Variants in WDR62 observed in about 807,000 individuals in gnomAD.
The protein encoded by WDR62 is WD repeat domain 62.
WDR62 carries 112 observed loss-of-function variants against 160.6 expected under a neutral mutation model. The observed-to-expected ratio is 0.70, with a 90% CI of 0.60 to 0.82. The LOEUF (loss-of-function observed/expected upper bound fraction) is 0.82. WDR62 is among the 40% of genes least tolerant of loss of function. The pLI is 0.00. For missense variants in WDR62, 1,819 were observed against 1,983.8 expected (o/e 0.92, Z 1.58); for synonymous variants, 792 against 815.1 (o/e 0.97, Z 0.48).
chr19:36,101,571 G>C, intron 24 of WDR62, 93 bp from the exon 25 acceptor site: 1 of 1,009,376 alleles, frequency 9.9e-7, no homozygotes, highest in Non-Finnish European at 1.5e-6. Context: ...CCCTCCTCCA[G>C]ATGGGGAAAC....
At chr19:36,102,190 G>A (rs1171754291) in intron 26 of WDR62, 39 bp downstream of exon 26, 1 of 1,613,634 alleles carries the variant, frequency 6.2e-7, no homozygotes, top group African/African-American at 1.3e-5. Flanking sequence ...GAGGCCGTCT[G>A]TGCAGCCTGG....
chr19:36,080,891 T>C (rs971403966), intron 9 of WDR62, among the ~76,000 whole-genome samples: 1 of 152,250 alleles, frequency 6.6e-6, no homozygotes, highest in Non-Finnish European at 1.5e-5. Flanking sequence ...TTCAAACATA[T>C]TGAATGTAGT....
At chr19:36,066,506 T>G in intron 5 of WDR62, 79 bp downstream of exon 5, 1 of 1,501,550 alleles carries the variant, frequency 6.7e-7, no homozygotes, top group South Asian at 1.2e-5. Flanking sequence ...GAGAGCTACA[T>G]GAGAGGACGC....
rs368050252 is a variant in WDR62, at chr19:36,102,721, C to T, written c.3221-16C>T. 1.6e-5 allele frequency: 25 copies of T among 1,612,340 alleles called. No individual in the cohort carries two copies. The highest frequency in any genetic ancestry group is 6.7e-5 in the Admixed American group (4 of 60,006). ...GCGGGAAGGGTTATGAGGGTCCCCT[C>T]GGGATCTTCCCCTAGAGCTCTTCCC... On this transcript the variant is annotated splice_polypyrimidine_tract_variant and intron_variant, in intron 26 of 31. Transcript: ENST00000401500.
intron 29 of WDR62, 59 bp downstream of exon 29, chr19:36,103,266 C>T (rs1304401309): frequency 5.6e-6 from 9 of 1,611,744 alleles, no homozygotes; most frequent in Non-Finnish European, 7.6e-6. Flanking sequence ...GCCGGATGTC[C>T]AGCCTAGCTG....
rs1033426072 is a variant in WDR62, at chr19:36,055,204, G to A, written c.177+56G>A. 11 of 1,549,194 alleles carry A rather than the reference G, an allele frequency of 7.1e-6. No individual in the cohort carries two copies. In the Admixed American group the frequency reaches 1.1e-4, roughly 16 times the overall value. On this transcript the variant is annotated intron_variant, in intron 1 of 31. Transcript: ENST00000401500. ...TTCCAGGCTTCCTAGGTTTCCCCTA[G>A]TCCCGTCCTGAGAACTGTGGCCCCG... is the stretch of plus-strand genomic sequence containing the variant.
intron 9 of WDR62, among the ~76,000 whole-genome samples, chr19:36,078,446 CGTA>C (rs1216789710): frequency 6.6e-6 from 1 of 151,928 alleles, no homozygotes; most frequent in African/African-American, 2.4e-5. Context: ...CTGTGCCTGA[CGTA>C]GTTCTTTCTT....
chr19:36,092,084 A>G (rs1018645073), intron 18 of WDR62, among the ~76,000 whole-genome samples: 2 of 151,594 alleles, frequency 1.3e-5, no homozygotes, highest in Non-Finnish European at 2.9e-5. Context: ...GCCTAGGTGG[A>G]TGGATCATCT....
chr19:36,084,789 G>A, intron 12 of WDR62, 45 bp downstream of exon 12: 1 of 1,576,530 alleles, frequency 6.3e-7, no homozygotes, highest in Non-Finnish European at 8.7e-7. Context: ...CAGGGAGGCA[G>A]CCCCCCTGGC....
chr19:36,094,366 C>G (rs1049349106), intron 20 of WDR62, among the ~76,000 whole-genome samples: 6 of 151,526 alleles, frequency 4.0e-5, no homozygotes, highest in Admixed American at 3.9e-4. Context: ...CCAGCCTGAC[C>G]AATATGGTGA....
At chr19:36,100,991 AG>A in intron 23 of WDR62, 116 bp downstream of exon 23, 1 of 1,530,604 alleles carries the variant, frequency 6.5e-7, no homozygotes, top group Non-Finnish European at 9.0e-7. Flanking sequence ...GGGACAGTTG[AG>A]GCCTGGATGG....
rs1287480501 is a variant in WDR62, at chr19:36,102,766, G to A, written c.3250G>A (p.Glu1084Lys). 1 of 1,614,238 alleles carries A rather than the reference G, an allele frequency of 6.2e-7. No individual in the cohort carries two copies. The highest frequency in any genetic ancestry group is 2.2e-5 in the East Asian group (1 of 44,874). ...CTTCCCCGCAGCTCTGGGAGACGTG[G>A]AGGCCTCTGAAGCTGAAGACCACTT... ...ELFPAALGDV[E>K]ASEAEDHFFN... The change falls in exon 27 of 32, where the codon GAG becomes AAG. Residue 1084 changes from glutamate to lysine, a missense_variant. Transcript: ENST00000401500.
At chr19:36,111,092 T>A in the WDR62 span, 18 of 1,010,646 alleles carry the variant, frequency 1.8e-5, no homozygotes, top group Non-Finnish European at 2.5e-5. Flanking sequence ...ATGAAGAGAA[T>A]GAGGTTCCTC....
rs1972801647 is a variant in WDR62 at position 36,094,065 on chromosome 19, C to T, written c.2368C>T (p.His790Tyr). ...DTYVSTPSEIHSLSPGEQTED... is the reference protein window; with the variant it reads ...DTYVSTPSEIYSLSPGEQTED... ...GTATGTGTCCACACCTAGTGAGATT[C>T]ACTCCCTGAGCCCTGGAGAGCAAAC... The change falls in exon 20 of 32, where the codon CAC (histidine) becomes TAC (tyrosine). Residue 790 changes from histidine (H) to tyrosine (Y), a missense_variant. His to Tyr is a moderately conservative substitution (Grantham distance 83). This residue lies in a region of WDR62 where 934 missense variants were observed against 1,157.2 expected (regional missense o/e 0.81). Transcript: ENST00000401500. 6.2e-7 allele frequency: 1 copy of T among 1,614,104 alleles called. No homozygotes were observed. Among genetic ancestry groups the T allele is most frequent in the Non-Finnish European group, 8.5e-7 (1 of 1,179,998 alleles).
intron 16 of WDR62, 58 bp downstream of exon 16, chr19:36,090,578 G>A: frequency 6.6e-7 from 1 of 1,510,540 alleles, no homozygotes; most frequent in Non-Finnish European, 9.2e-7. Context: ...TATTGTGACG[G>A]CCCACACCTG....
chr19:36,081,797 G>T (rs1382896263), intron 10 of WDR62: 1 of 673,762 alleles, frequency 1.5e-6, no homozygotes, highest in Non-Finnish European at 2.7e-6. Flanking sequence ...TTGCCAGTTG[G>T]CTCCTGCTCT....
intron 9 of WDR62, among the ~76,000 whole-genome samples, chr19:36,076,953 G>A (rs964747380): frequency 2.6e-5 from 4 of 151,956 alleles, no homozygotes; most frequent in African/African-American, 9.7e-5. Flanking sequence ...TTATATATGT[G>A]TGTATATATG....
intron 7 of WDR62, chr19:36,070,762 C>T (rs1460832043): frequency 1.3e-5 from 2 of 152,182 alleles, no homozygotes; most frequent in Non-Finnish European, 2.9e-5. Context: ...TAAATTAAGT[C>T]CCTGTAGATT....
Position 36,055,035 on chromosome 19 carries a change from A to G in WDR62, c.64A>G (p.Met22Val), listed in dbSNP as rs1970273180. 14 of 1,598,294 alleles carry G rather than the reference A, an allele frequency of 8.8e-6. No homozygotes were observed. Among genetic ancestry groups the G allele is most frequent in the Non-Finnish European group, 1.2e-5 (14 of 1,173,656 alleles). Residue 22 changes from methionine (M) to valine (V), a missense_variant, in exon 1 of 32, where the codon ATG (methionine) becomes GTG (valine). Coordinates refer to ENST00000401500, the MANE Select transcript of WDR62 (RefSeq NM_001083961.2). ...TGCAGGGGAGAAGCTGCCCTCTGTC[A>G]TGGCGGGAGTTCCGGCGCGGAGGGG... is the stretch of plus-strand genomic sequence containing the variant. ...NDAGEKLPSV[M>V]AGVPARRGQS...
Sources: gnomAD v4.1 joint callset for allele counts (sites outside exome capture counted in the v4.1 genomes callset) on GRCh38, gnomAD v4.1.1 for gene constraint, gnomAD v4.1.1 regional missense constraint, MANE v1.5 for transcripts, NCBI Gene and HGNC (gene_info 2026-07-23, HGNC 2026-07-21) for gene names.